PXDNL: variants seen among roughly 807,000 people sequenced by gnomAD.
The protein encoded by PXDNL is probable oxidoreductase PXDNL.
PXDNL carries 145 observed loss-of-function variants against 150.8 expected under a neutral mutation model. The observed-to-expected ratio is 0.96, with a 90% CI of 0.84 to 1.10. The LOEUF (loss-of-function observed/expected upper bound fraction) is 1.10, where lower values mean the gene tolerates loss of function less well. PXDNL is among the 50% of genes least tolerant of loss of function. The probability of loss-of-function intolerance (pLI) is 0.00; values close to 1 mark genes in which losing one functional copy is unlikely to be tolerated. For synonymous variants in PXDNL, 757 were observed against 725.7 expected, an observed-to-expected ratio of 1.04 and a Z score of -0.69; for missense variants, 2,087 against 1,873.9, an observed-to-expected ratio of 1.11 and a Z score of -2.10.
At chr8:51,376,488 T>G (rs1486292576) in intron 17 of PXDNL, among the ~76,000 whole-genome samples, 1 of 152,220 alleles carries the variant, frequency 6.6e-6, no homozygotes, top group Non-Finnish European at 1.5e-5. Flanking sequence ...ATTCTTTTTC[T>G]GAGAGATTTT....
chr8:51,435,784 G>T (rs539236111), intron 12 of PXDNL: 1 of 410,450 alleles, frequency 2.4e-6, no homozygotes, highest in East Asian at 6.7e-5. Context: ...ACAAGGAATG[G>T]ATTTTCATCT....
At position 51,608,316 on chromosome 8, in the gene PXDNL, G is replaced by C. The variant is rs574729636; in HGVS notation, c.237-15618C>G. 4.1e-5 allele frequency among the ~76,000 whole-genome samples: 6 copies of C among 145,398 alleles called. No individual in the cohort carries two copies. The East Asian group carries it at 6.0e-4, about 15-fold the overall frequency. On this transcript the variant is annotated intron_variant, in intron 2 of 22. Transcript: ENST00000356297. ...AGGCAGGAGAATGGCGTGAACCCGG[G>C]AGGCGGAGTTTGCAGTGAGCCGAGA... is the stretch of plus-strand genomic sequence containing the variant.
At chr8:51,768,644 A>T (rs1393171324) in intron 1 of PXDNL, among the ~76,000 whole-genome samples, 2 of 152,220 alleles carry the variant, frequency 1.3e-5, no homozygotes, top group Admixed American at 1.3e-4. Context: ...ATTTAAAGAA[A>T]AAAAGGAAAA....
At chr8:51,767,748 T>G (rs1453345297) in intron 1 of PXDNL, among the ~76,000 whole-genome samples, 1 of 152,220 alleles carries the variant, frequency 6.6e-6, no homozygotes, top group Non-Finnish European at 1.5e-5. Context: ...TGTTTCGTTT[T>G]CTAGATTTTC....
At chr8:51,708,047 T>A (rs190394530) in intron 1 of PXDNL, among the ~76,000 whole-genome samples, 1 of 152,366 alleles carries the variant, frequency 6.6e-6, no homozygotes, top group East Asian at 1.9e-4. Flanking sequence ...TAAAATCTTC[T>A]TGATATTTAC....
chr8:51,467,837 C>T (rs1386691941), intron 8 of PXDNL, among the ~76,000 whole-genome samples: 4 of 151,992 alleles, frequency 2.6e-5, no homozygotes, highest in Non-Finnish European at 5.9e-5. Context: ...AACTAACCTT[C>T]GTTCTGAGCT....
chr8:51,779,201 A>T (rs142922385), intron 1 of PXDNL, among the ~76,000 whole-genome samples: 2 of 152,240 alleles, frequency 1.3e-5, no homozygotes, highest in Non-Finnish European at 2.9e-5. Flanking sequence ...TCAGTACACA[A>T]GCTCTGTGTG....
At chr8:51,685,702 C>T (rs1469310481) in intron 1 of PXDNL, among the ~76,000 whole-genome samples, 1 of 152,194 alleles carries the variant, frequency 6.6e-6, no homozygotes, top group East Asian at 1.9e-4. Context: ...AAGCACTCAT[C>T]AAATCTGCCT....
chr8:51,376,186 C>A (rs1257312659), intron 17 of PXDNL, among the ~76,000 whole-genome samples: 1 of 152,160 alleles, frequency 6.6e-6, no homozygotes, highest in African/African-American at 2.4e-5. Flanking sequence ...AAACTGCTAT[C>A]CAAAATGGAT....
intron 4 of PXDNL, among the ~76,000 whole-genome samples, chr8:51,548,106 A>T (rs1224552802): frequency 6.6e-6 from 1 of 151,672 alleles, no homozygotes; most frequent in African/African-American, 2.4e-5. Flanking sequence ...AAAAAAAAAA[A>T]AAAGAAGGCT....
intron 1 of PXDNL, among the ~76,000 whole-genome samples, chr8:51,744,766 GAAGGA>G (rs1281105363): frequency 1.5e-3 from 15 of 9,862 alleles, no homozygotes; most frequent in Non-Finnish European, 4.4e-3. Context: ...GAGAAAGAAG[GAAGGA>G]GAGAAAGAAA....
intron 10 of PXDNL, among the ~76,000 whole-genome samples, chr8:51,449,526 C>T (rs1048465356): frequency 6.6e-6 from 1 of 152,126 alleles, no homozygotes; most frequent in Non-Finnish European, 1.5e-5. Context: ...GTTGATCTTT[C>T]GATTTCAGAA....
At chr8:51,487,472 T>A (rs2130200684) in intron 5 of PXDNL, among the ~76,000 whole-genome samples, 1 of 151,650 alleles carries the variant, frequency 6.6e-6, no homozygotes, top group African/African-American at 2.4e-5. Context: ...CATTGTCCAG[T>A]CTGGTCGACT....
chr8:51,580,543 C>T (rs1202696791), intron 3 of PXDNL, among the ~76,000 whole-genome samples: 3 of 152,068 alleles, frequency 2.0e-5, no homozygotes, highest in East Asian at 3.9e-4. Flanking sequence ...CAATTTGTTC[C>T]ACACATCTGT....
chr8:51,713,314 T>A (rs1055239313), intron 1 of PXDNL, among the ~76,000 whole-genome samples: 1 of 152,262 alleles, frequency 6.6e-6, no homozygotes, highest in Non-Finnish European at 1.5e-5. Flanking sequence ...TCAGGTTTGA[T>A]ATGCCTGTCT....
chr8:51,755,456 G>A (rs1032579984), intron 1 of PXDNL, among the ~76,000 whole-genome samples: 3 of 151,880 alleles, frequency 2.0e-5, no homozygotes, highest in African/African-American at 7.3e-5. Context: ...CACCACACTC[G>A]ACTAATTTTT....
chr8:51,660,957 C>G (rs1221442298), intron 1 of PXDNL, among the ~76,000 whole-genome samples: 2 of 152,144 alleles, frequency 1.3e-5, no homozygotes, highest in East Asian at 1.9e-4. Context: ...GACCGCCCCC[C>G]ATCCAGCATT....
At chr8:51,340,056 C>A (rs1805944205) in intron 20 of PXDNL, 1 of 180,068 alleles carries the variant, frequency 5.6e-6, no homozygotes, top group Non-Finnish European at 1.1e-5. Context: ...ATTATTTAGA[C>A]CTTAAAGTAT....
At chr8:51,697,531 T>C (rs1488141088) in intron 1 of PXDNL, among the ~76,000 whole-genome samples, 1 of 151,858 alleles carries the variant, frequency 6.6e-6, no homozygotes, top group Non-Finnish European at 1.5e-5. Flanking sequence ...AGTCAAGGAG[T>C]AGATGTCCCT....
Sources: allele counts gnomAD v4.1 joint callset (sites outside exome capture counted in the v4.1 genomes callset), GRCh38; gene constraint gnomAD v4.1.1; transcripts MANE v1.5; gene names NCBI Gene and HGNC (gene_info 2026-07-23, HGNC 2026-07-21).